The following ARFGEF3 variants were observed in gnomAD, a reference collection of about 807,000 sequenced individuals.
ARFGEF3 encodes the protein brefeldin A-inhibited guanine nucleotide-exchange protein 3.
A neutral mutation model predicts 221.7 loss-of-function variants in ARFGEF3; 96 were observed. The ratio of observed to expected loss-of-function variants is 0.43; its 90% CI spans 0.37 to 0.51. ARFGEF3 has a LOEUF of 0.51. Ranked by LOEUF, ARFGEF3 falls within the 20% of genes least tolerant of loss-of-function variation. The probability of loss-of-function intolerance (pLI) is 0.00; values close to 1 mark genes in which losing one functional copy is unlikely to be tolerated. For synonymous variants in ARFGEF3, 1,145 were observed against 1,126.8 expected (o/e 1.02, Z -0.32); for missense variants, 2,410 against 2,789.9 (o/e 0.86, Z 3.07).
intron 25 of ARFGEF3, among the ~76,000 whole-genome samples, chr6:138,312,164 AT>A (rs972986603): frequency 1.1e-4 from 17 of 152,038 alleles, no homozygotes; most frequent in Non-Finnish European, 1.9e-4. Context: ...TCAAAAAAAA[AT>A]TTTTTTTAAT....
At position 138,336,423 on chromosome 6, in the gene ARFGEF3, A is replaced by C. The variant is rs768391902; in HGVS notation, c.6471A>C (p.Arg2157Ser). ...SQLTCHVTDI[R>S]VRQAVREWLG... The stretch of plus-strand genomic sequence containing the variant: ...TGACCTGTCACGTGACCGACATCAG[A>C]GTTCGCCAGGCTGTGAGGGAGTGGC... Residue 2157 changes from arginine (R) to serine (S), a missense_variant, in exon 34 of 34, where the codon AGA becomes AGC. Arg to Ser is a moderately radical substitution (Grantham distance 110). Transcript: ENST00000251691. 17 of 1,613,432 alleles carry C rather than the reference A, an allele frequency of 1.1e-5. No homozygotes were observed. The highest frequency in any genetic ancestry group is 1.4e-5 in the Non-Finnish European group (16 of 1,179,692).
chr6:138,239,005 G>A (rs1011387453), intron 6 of ARFGEF3, among the ~76,000 whole-genome samples: 1 of 152,106 alleles, frequency 6.6e-6, no homozygotes, highest in East Asian at 1.9e-4. Flanking sequence ...TTTGAGGTTG[G>A]GTATGTTTCC....
intron 4 of ARFGEF3, among the ~76,000 whole-genome samples, chr6:138,221,959 A>T (rs1777990546): frequency 6.6e-6 from 1 of 152,238 alleles, no homozygotes. Flanking sequence ...ATAGTGGTAG[A>T]TGTTTTATGA....
In ARFGEF3 at chr6:138,324,088, G is replaced by A. The variant is rs746695374; in HGVS notation, c.4935G>A (p.Val1645=). 2 of 1,613,866 alleles carry A rather than the reference G, an allele frequency of 1.2e-6. No homozygotes were observed. The highest frequency in any genetic ancestry group is 2.2e-5 in the South Asian group (2 of 91,078). ...SFSGEGCQVR[V]AAPSSSPSAE... ...GCGGGGAAGGCTGCCAGGTGCGAGT[G>A]GCGGCCCCGTCCTCCTCCCCAAGTG... is the stretch of plus-strand genomic sequence containing the variant. The change falls in exon 31 of 34, where the codon GTG becomes GTA. Residue 1645 remains valine, a synonymous_variant. Coordinates refer to ENST00000251691, the MANE Select transcript of ARFGEF3 (RefSeq NM_020340.5).
intron 22 of ARFGEF3, 38 bp downstream of exon 22, chr6:138,298,823 T>C: frequency 3.3e-6 from 5 of 1,537,364 alleles, no homozygotes; most frequent in Non-Finnish European, 4.5e-6. Context: ...TAGCTGGCTC[T>C]TACTGAGTGC....
chr6:138,210,013 A>G lies in ARFGEF3; in HGVS notation c.323A>G (p.Asn108Ser). The change falls in exon 4 of 34, where the codon AAC becomes AGC. Residue 108 changes from asparagine (N) to serine (S), a missense_variant. This residue lies in a region of ARFGEF3 where 570 missense variants were observed against 586.9 expected (regional missense o/e 0.97). Transcript: ENST00000251691. The part of the protein sequence containing the change: ...LNAVKVTPSL[N>S]EDLQVEVMKV... ...GCCGTGAAAGTGACGCCTTCGCTCA[A>G]CGAGGACCTGCAGGTGGAAGTGATG... 1 of 1,613,824 alleles carries G rather than the reference A, an allele frequency of 6.2e-7. No individual in the cohort carries two copies. The highest frequency in any genetic ancestry group is 8.5e-7 in the Non-Finnish European group (1 of 1,179,788).
chr6:138,309,918 G>T (rs940783724), intron 24 of ARFGEF3, among the ~76,000 whole-genome samples: 1 of 152,158 alleles, frequency 6.6e-6, no homozygotes, highest in Non-Finnish European at 1.5e-5. Flanking sequence ...TGATTCAAAT[G>T]CCAGCCTCTT....
intron 2 of ARFGEF3, among the ~76,000 whole-genome samples, chr6:138,192,553 A>T (rs1030837341): frequency 3.4e-4 from 52 of 152,328 alleles, no homozygotes; most frequent in African/African-American, 1.2e-3. Context: ...TTCAGAAGGC[A>T]AATGGTGCCA....
intron 1 of ARFGEF3, among the ~76,000 whole-genome samples, chr6:138,166,060 CA>C (rs2114420240): frequency 6.6e-6 from 1 of 152,318 alleles, no homozygotes; most frequent in South Asian, 2.1e-4. Flanking sequence ...GATGCTTCTT[CA>C]AAAGCCAGGG....
intron 4 of ARFGEF3, among the ~76,000 whole-genome samples, chr6:138,213,325 G>A (rs893661501): frequency 2.0e-5 from 3 of 151,592 alleles, no homozygotes; most frequent in Non-Finnish European, 4.4e-5. Flanking sequence ...GGCATTGGTG[G>A]TGTGAGCCTG....
intron 14 of ARFGEF3, among the ~76,000 whole-genome samples, chr6:138,282,834 A>G (rs1029960829): frequency 1.7e-4 from 26 of 152,200 alleles, no homozygotes; most frequent in African/African-American, 6.0e-4. Flanking sequence ...GGATCACTTG[A>G]GGTCAGGAGT....
intron 1 of ARFGEF3, among the ~76,000 whole-genome samples, chr6:138,165,687 C>G (rs190655076): frequency 6.6e-6 from 1 of 151,932 alleles, no homozygotes; most frequent in South Asian, 2.1e-4. Flanking sequence ...CTTAGACCCT[C>G]AGGAGAGAGA....
At chr6:138,287,945 C>A (rs1414182247) in intron 17 of ARFGEF3, among the ~76,000 whole-genome samples, 1 of 152,068 alleles carries the variant, frequency 6.6e-6, no homozygotes, top group Non-Finnish European at 1.5e-5. Flanking sequence ...TCTCACAGAT[C>A]CCCAGCGTTA....
intron 31 of ARFGEF3, among the ~76,000 whole-genome samples, chr6:138,324,895 A>G (rs1422791186): frequency 2.0e-5 from 3 of 152,266 alleles, no homozygotes; most frequent in Non-Finnish European, 4.4e-5. Flanking sequence ...GAAACCCTGG[A>G]CGTGACTCTC....
At position 138,336,317 on chromosome 6, in the gene ARFGEF3, C is replaced by G; in HGVS notation, c.6365C>G (p.Thr2122Arg). Reference protein sequence around the residue: ...QIQAWTNMVLTVLNQIQILPD... With the variant: ...QIQAWTNMVLRVLNQIQILPD... ...TAGGCATGGACCAACATGGTGCTAACAGTTCTCAATCAGATTCAGATTCTC... is the reference window on the plus strand; with the variant it reads ...TAGGCATGGACCAACATGGTGCTAAGAGTTCTCAATCAGATTCAGATTCTC... The change falls in exon 34 of 34, where the codon ACA becomes AGA. Residue 2122 changes from threonine to arginine, a missense_variant. Physicochemically the swap from Thr to Arg is moderately conservative, Grantham distance 71. Coordinates refer to ENST00000251691, the MANE Select transcript of ARFGEF3 (RefSeq NM_020340.5). 1 of 1,595,056 alleles carries G rather than the reference C, an allele frequency of 6.3e-7. No homozygotes were observed. Among genetic ancestry groups the G allele is most frequent in the Non-Finnish European group, 8.5e-7 (1 of 1,171,288 alleles).
rs1339342252 is a variant in ARFGEF3 at position 138,291,687 on chromosome 6, G to A, written c.3048-46G>A. 4 of 1,265,548 alleles carry A rather than the reference G, an allele frequency of 3.2e-6. No individual in the cohort carries two copies. The highest frequency in any genetic ancestry group is 4.1e-6 in the Non-Finnish European group (4 of 985,806). The allele number at this position is 1,265,548 out of a possible 1,614,324, so 78.4% of individuals were successfully genotyped here. A position where few individuals can be genotyped will look rare whatever the true frequency, so the allele number is the denominator to read the frequency against. On this transcript the variant is annotated intron_variant, in intron 18 of 33. Coordinates refer to ENST00000251691, the MANE Select transcript of ARFGEF3 (RefSeq NM_020340.5). This position sits in a 1 kb window ranked among gnomAD's most constrained non-coding sequence, Gnocchi z 4.5. Reference sequence around the variant, plus strand: ...CACTGTGGGGTTTATGGAGCTGCCGGGGTGAGCTGCAGCGCCTAACAGCTG... The same window carrying A: ...CACTGTGGGGTTTATGGAGCTGCCGAGGTGAGCTGCAGCGCCTAACAGCTG...
intron 4 of ARFGEF3, chr6:138,218,457 A>G (rs752567742): frequency 2.7e-6 from 4 of 1,466,044 alleles, no homozygotes; most frequent in African/African-American, 1.4e-5. Context: ...GTAAATTATT[A>G]TACATCAATT....
At chr6:138,207,847 A>G (rs908831653) in intron 3 of ARFGEF3, among the ~76,000 whole-genome samples, 1 of 152,186 alleles carries the variant, frequency 6.6e-6, no homozygotes, top group Non-Finnish European at 1.5e-5. Flanking sequence ...GTCAGTATCA[A>G]CTGCTTCATA....
intron 2 of ARFGEF3, among the ~76,000 whole-genome samples, chr6:138,187,151 G>A (rs949010280): frequency 2.0e-5 from 3 of 152,040 alleles, no homozygotes; most frequent in Non-Finnish European, 2.9e-5. Context: ...CTGACCTCAG[G>A]TGATCCACCT....
Sources: allele counts gnomAD v4.1 joint callset (sites outside exome capture counted in the v4.1 genomes callset), GRCh38; gene constraint gnomAD v4.1.1; regional missense constraint gnomAD v4.1.1; non-coding constraint Gnocchi (gnomAD v3.1); transcripts MANE v1.5; gene names NCBI Gene and HGNC (gene_info 2026-07-23, HGNC 2026-07-21).